Variants in PALM2AKAP2 observed in about 807,000 individuals in gnomAD.
PALM2AKAP2 encodes PALM2-AKAP2 fusion protein.
A neutral mutation model predicts 71.5 loss-of-function variants in PALM2AKAP2; 37 were observed. That is an observed-to-expected ratio of 0.52 (90% CI 0.40 to 0.68). The LOEUF (loss-of-function observed/expected upper bound fraction) is 0.68, where lower values mean the gene tolerates loss of function less well. Ranked by LOEUF, PALM2AKAP2 falls within the 30% of genes least tolerant of loss-of-function variation. The pLI is 0.00. For synonymous variants in PALM2AKAP2, 468 were observed against 478.8 expected (o/e 0.98, Z 0.29); for missense variants, 1,224 against 1,191.8 (o/e 1.03, Z -0.40).
upstream of PALM2AKAP2, among the ~76,000 whole-genome samples, chr9:110,047,524 C>T (rs1347517852): frequency 6.6e-6 from 1 of 152,122 alleles, no homozygotes; most frequent in Admixed American, 6.5e-5. Flanking sequence ...AAATTGACTC[C>T]CAGAAGAGCA....
At chr9:109,772,642 G>A (rs1483356731) in intron 1 of PALM2AKAP2, among the ~76,000 whole-genome samples, 2 of 152,246 alleles carry the variant, frequency 1.3e-5, no homozygotes, top group Non-Finnish European at 2.9e-5. Flanking sequence ...CCCCATGAAG[G>A]GGAAATCACT....
In PALM2AKAP2 at chr9:109,923,668, A is replaced by T. The variant is rs1191040304; in HGVS notation, c.258-67A>T. On this transcript the variant is annotated intron_variant, in intron 3 of 9. Coordinates refer to the PALM2AKAP2 transcript ENST00000302798. ...AGGTACAAATCGCCCAACAGGAAGG[A>T]GCTGCTCTCTTGCCCGTGGATGGCA... 4.0e-6 allele frequency: 6 copies of T among 1,488,586 alleles called. No homozygotes were observed. The East Asian group carries it at 1.3e-4, about 31-fold the overall frequency. The allele number at this position is 1,488,586 out of a possible 1,614,324, so 92.2% of individuals were successfully genotyped here. A position where few individuals can be genotyped will look rare whatever the true frequency, so the allele number is the denominator to read the frequency against.
intron 6 of PALM2AKAP2, among the ~76,000 whole-genome samples, chr9:109,986,762 T>C (rs1832386220): frequency 6.6e-6 from 1 of 152,242 alleles, no homozygotes; most frequent in African/African-American, 2.4e-5. Flanking sequence ...TTTTGAAAAC[T>C]TCTGTCACAT....
At chr9:109,985,362 G>A (rs1832353017) in intron 6 of PALM2AKAP2, among the ~76,000 whole-genome samples, 1 of 152,022 alleles carries the variant, frequency 6.6e-6, no homozygotes, top group African/African-American at 2.4e-5. Context: ...ACTGTCTTGA[G>A]TAATCCCAGC....
intron 1 of PALM2AKAP2, among the ~76,000 whole-genome samples, chr9:109,813,670 A>G (rs760831900): frequency 1.3e-5 from 2 of 152,162 alleles, no homozygotes; most frequent in Admixed American, 6.5e-5. Flanking sequence ...AGGGGCCTGC[A>G]TTTAGACTGG....
chr9:109,912,875 G>T (rs918636075), intron 3 of PALM2AKAP2, among the ~76,000 whole-genome samples: 1 of 152,310 alleles, frequency 6.6e-6, no homozygotes, highest in South Asian at 2.1e-4. Flanking sequence ...ACCATGGGAC[G>T]AATTCACCCC....
chr9:109,683,340 A>T (rs10979998), intron 1 of PALM2AKAP2, among the ~76,000 whole-genome samples: 17 of 152,226 alleles, frequency 1.1e-4, no homozygotes, highest in Non-Finnish European at 2.1e-4. Flanking sequence ...CCAATGTCAG[A>T]TATCCTTATA....
At chr9:109,928,213 C>G (rs922222360) in intron 5 of PALM2AKAP2, among the ~76,000 whole-genome samples, 12 of 152,182 alleles carry the variant, frequency 7.9e-5, no homozygotes, top group African/African-American at 2.9e-4. Context: ...AGCCATTCTC[C>G]TGCCTCAGCC....
Position 110,063,728 on chromosome 9 carries a change from G to A in PALM2AKAP2, c.156+14873G>A, listed in dbSNP as rs569464102. On this transcript the variant is annotated intron_variant, in intron 1 of 3. Transcript: ENST00000374525. Reference sequence around the variant, plus strand: ...CAAACTGCTGGGATTACAGGCGTGAGCCACCACGCTTGGCTCAAATTTCCT... The same window carrying A: ...CAAACTGCTGGGATTACAGGCGTGAACCACCACGCTTGGCTCAAATTTCCT... Among the ~76,000 whole-genome samples, 21 of 152,274 alleles carry A rather than the reference G, an allele frequency of 1.4e-4. No individual in the cohort carries two copies. In the Middle Eastern group the frequency reaches 0.01, roughly 74 times the overall value.
At chr9:109,996,959 C>T (rs1302390634) in intron 6 of PALM2AKAP2, among the ~76,000 whole-genome samples, 2 of 152,208 alleles carry the variant, frequency 1.3e-5, no homozygotes, top group Non-Finnish European at 2.9e-5. Context: ...GAGGCTGAAG[C>T]AGGTGGACCA....
chr9:109,769,738 T>C (rs1193576212), intron 1 of PALM2AKAP2, among the ~76,000 whole-genome samples: 2 of 152,208 alleles, frequency 1.3e-5, no homozygotes, highest in African/African-American at 4.8e-5. Flanking sequence ...ATTATTCTGT[T>C]TCAACATAGT....
At chr9:109,915,667 A>G (rs1588005305) in intron 3 of PALM2AKAP2, among the ~76,000 whole-genome samples, 1 of 152,272 alleles carries the variant, frequency 6.6e-6, no homozygotes, top group East Asian at 1.9e-4. Context: ...TGTACGTAAA[A>G]CACTCATAAC....
chr9:110,096,932 A>T (rs926907885), intron 1 of PALM2AKAP2, among the ~76,000 whole-genome samples: 2 of 68,806 alleles, frequency 2.9e-5, no homozygotes, highest in African/African-American at 1.3e-4. Flanking sequence ...TTTTCTTTTT[A>T]TTTATTTATT....
chr9:110,023,268 A>G (rs1321617465), intron 7 of PALM2AKAP2, among the ~76,000 whole-genome samples: 3 of 134,416 alleles, frequency 2.2e-5, no homozygotes, highest in Admixed American at 7.3e-5. Context: ...AATGATCCCC[A>G]TTCTAACTGG....
intron 1 of PALM2AKAP2, among the ~76,000 whole-genome samples, chr9:109,859,135 C>T (rs986448604): frequency 1.2e-4 from 18 of 152,094 alleles, no homozygotes; most frequent in African/African-American, 3.9e-4. Flanking sequence ...TTAAATTACC[C>T]CTTCTAAAAT....
intron 1 of PALM2AKAP2, among the ~76,000 whole-genome samples, chr9:109,756,773 G>A (rs1373231382): frequency 6.6e-6 from 1 of 152,038 alleles, no homozygotes; most frequent in Non-Finnish European, 1.5e-5. Context: ...ATCATATACT[G>A]ATTGCTTTGA....
intron 1 of PALM2AKAP2, among the ~76,000 whole-genome samples, chr9:110,133,010 AT>A (rs1284891486): frequency 2.6e-5 from 4 of 151,992 alleles, no homozygotes; most frequent in African/African-American, 7.2e-5. Flanking sequence ...GCAGTTTTGT[AT>A]TTTTTTTCAA....
upstream of PALM2AKAP2, among the ~76,000 whole-genome samples, chr9:109,777,107 T>C (rs566518973): frequency 6.6e-6 from 1 of 152,352 alleles, no homozygotes; most frequent in South Asian, 2.1e-4. Context: ...ATTTCTATTT[T>C]TCTGAAGCCC....
chr9:110,048,672 C>T, upstream of PALM2AKAP2: 3 of 1,501,036 alleles, frequency 2.0e-6, no homozygotes, highest in Non-Finnish European at 2.6e-6. Context: ...CGCCCTCCAG[C>T]GCGCCCGGAG....
Sources: gnomAD v4.1 joint callset for allele counts (sites outside exome capture counted in the v4.1 genomes callset) on GRCh38, gnomAD v4.1.1 for gene constraint, MANE v1.5 for transcripts, NCBI Gene and HGNC (gene_info 2026-07-23, HGNC 2026-07-21) for gene names.